The following BZW2 variants were observed in gnomAD, a reference collection of about 807,000 sequenced individuals.
The protein encoded by BZW2 is eIF5-mimic protein 1.
BZW2 carries 23 observed loss-of-function variants against 53.2 expected under a neutral mutation model. The observed-to-expected ratio is 0.43, with a 90% CI of 0.31 to 0.61. The LOEUF is 0.61. Ranked by LOEUF, BZW2 falls within the 20% of genes least tolerant of loss-of-function variation. The pLI, the probability that BZW2 is intolerant of heterozygous loss-of-function variation, is 0.09. For missense variants in BZW2, 409 were observed against 503.1 expected, an observed-to-expected ratio of 0.81 and a Z score of 1.79; for synonymous variants, 227 against 186.4, an observed-to-expected ratio of 1.22 and a Z score of -1.77.
At chr7:16,652,903 G>A (rs1033019611) in intron 1 of BZW2, among the ~76,000 whole-genome samples, 2 of 152,078 alleles carry the variant, frequency 1.3e-5, no homozygotes, top group Admixed American at 1.3e-4. Context: ...ATTCAATTTT[G>A]TATGGTCCAC....
In BZW2 at chr7:16,681,337, C is replaced by G. The variant is rs1782937790; in HGVS notation, c.272C>G (p.Thr91Ser). Residue 91 changes from threonine to serine, a missense_variant, in exon 4 of 12, where the codon ACC (threonine) becomes AGC (serine). This residue lies in a region of BZW2 where 316 missense variants were observed against 366.8 expected (regional missense o/e 0.86). Coordinates refer to ENST00000258761, the MANE Select transcript of BZW2 (RefSeq NM_014038.3). ...GGTRIDDGDK[T>S]KMTNHCVFSA... The stretch of plus-strand genomic sequence containing the variant: ...ACGCGCATAGATGATGGTGACAAGA[C>G]CAAGATGACCAACCACTGTGTGTTT... 6.2e-7 allele frequency: 1 copy of G among 1,614,036 alleles called. No homozygotes were observed. The highest frequency in any genetic ancestry group is 8.5e-7 in the Non-Finnish European group (1 of 1,179,972).
chr7:16,696,467 T>C (rs954778700), intron 8 of BZW2, among the ~76,000 whole-genome samples: 12 of 152,216 alleles, frequency 7.9e-5, no homozygotes, highest in African/African-American at 2.9e-4. Context: ...AAGTAATCAT[T>C]GAAGAATAAA....
At chr7:16,647,342 C>T (rs953341401) in intron 1 of BZW2, among the ~76,000 whole-genome samples, 3 of 152,182 alleles carry the variant, frequency 2.0e-5, no homozygotes, top group East Asian at 1.9e-4. Flanking sequence ...TTTTGTTAAG[C>T]ATCCCCAGGA....
intron 1 of BZW2, chr7:16,662,126 G>A (rs1346257486): frequency 6.6e-6 from 1 of 152,072 alleles, no homozygotes; most frequent in African/African-American, 2.4e-5. Flanking sequence ...CCTTACTGGA[G>A]CAGATTATAG....
At chr7:16,681,042 T>A (rs1416870593) in intron 3 of BZW2, among the ~76,000 whole-genome samples, 2 of 152,138 alleles carry the variant, frequency 1.3e-5, no homozygotes, top group Admixed American at 1.3e-4. Context: ...AGGTGGAGGT[T>A]GCAGTGAGCC....
chr7:16,653,052 GT>G, intron 1 of BZW2, among the ~76,000 whole-genome samples: 1 of 152,060 alleles, frequency 6.6e-6, no homozygotes, highest in Non-Finnish European at 1.5e-5. Flanking sequence ...GTGTGTGTGT[GT>G]GTGTAGCCCT....
intron 3 of BZW2, among the ~76,000 whole-genome samples, chr7:16,675,791 C>T (rs1782745331): frequency 6.6e-6 from 1 of 152,184 alleles, no homozygotes; most frequent in African/African-American, 2.4e-5. Context: ...CTGGAAATCT[C>T]TTTAGCAGCC....
At chr7:16,661,918 T>C (rs956602157) in intron 1 of BZW2, among the ~76,000 whole-genome samples, 1 of 152,142 alleles carries the variant, frequency 6.6e-6, no homozygotes, top group African/African-American at 2.4e-5. Context: ...TTTTATTTTT[T>C]TAAACTTAAG....
Position 16,699,125 on chromosome 7 carries a change from A to T in BZW2, c.1108+939A>T, listed in dbSNP as rs559608048. Among the ~76,000 whole-genome samples, 5 of 152,334 alleles carry T rather than the reference A, an allele frequency of 3.3e-5. No homozygotes were observed. The South Asian group carries it at 8.3e-4, about 25-fold the overall frequency. ...TTCCTCAAATGAATGAATCTTGTCC[A>T]CAAGTGTTTGGGTGATATTTTACTT... On this transcript the variant is annotated intron_variant, in intron 10 of 11. Transcript: ENST00000258761.
intron 5 of BZW2, 106 bp from the exon 6 acceptor site, chr7:16,685,799 T>A (rs1783097326): frequency 7.4e-7 from 1 of 1,342,686 alleles, no homozygotes; most frequent in East Asian, 2.5e-5. Flanking sequence ...CACGTAGCCA[T>A]GGATGTTCAC....
At chr7:16,705,427 T>G (rs761884223) in intron 11 of BZW2, among the ~76,000 whole-genome samples, 1 of 152,160 alleles carries the variant, frequency 6.6e-6, no homozygotes, top group Non-Finnish European at 1.5e-5. Context: ...GGCTCACGCC[T>G]GTAATCCCAG....
intron 6 of BZW2, chr7:16,686,395 T>A: frequency 4.6e-6 from 1 of 216,480 alleles, no homozygotes; most frequent in Non-Finnish European, 9.5e-6. Flanking sequence ...TCACCCCTAT[T>A]ATAAGAACAA....
chr7:16,667,711 A>T (rs1021513066), intron 2 of BZW2, among the ~76,000 whole-genome samples: 2 of 152,186 alleles, frequency 1.3e-5, no homozygotes, highest in Non-Finnish European at 2.9e-5. Flanking sequence ...TATAAAAATT[A>T]AAAAAAATTC....
intron 9 of BZW2, 124 bp downstream of exon 9, chr7:16,697,185 GCTCAAGCCACCCTCCCTC>G: frequency 8.6e-7 from 1 of 1,169,018 alleles, no homozygotes; most frequent in Non-Finnish European, 1.2e-6. Flanking sequence ...GAACTCCTGG[GCTCAAGCCACCCTCCCTC>G]CTCAGCCTCC....
Position 16,698,119 on chromosome 7 carries a change from G to A in BZW2, c.1041G>A (p.Gln347=). The change falls in exon 10 of 12, where the codon CAG becomes CAA. Residue 347 remains glutamine, a synonymous_variant. Coordinates refer to ENST00000258761, the MANE Select transcript of BZW2 (RefSeq NM_014038.3). Reference sequence around the variant, plus strand: ...AGCTGATCCTCCTCCAGAAGGTTCAGGAATACTGCTACGACAACATCCATT... The same window carrying A: ...AGCTGATCCTCCTCCAGAAGGTTCAAGAATACTGCTACGACAACATCCATT... ...QSELILLQKV[Q]EYCYDNIHFM... 1 of 1,614,202 alleles carries A rather than the reference G, an allele frequency of 6.2e-7. No homozygotes were observed. The highest frequency in any genetic ancestry group is 8.5e-7 in the Non-Finnish European group (1 of 1,180,020).
intron 1 of BZW2, among the ~76,000 whole-genome samples, chr7:16,655,833 G>A (rs1165812151): frequency 6.6e-6 from 1 of 152,000 alleles, no homozygotes; most frequent in Non-Finnish European, 1.5e-5. Flanking sequence ...AAATACATAT[G>A]GCTTCCTGTG....
chr7:16,680,470 G>C (rs1782909652), intron 3 of BZW2, among the ~76,000 whole-genome samples: 1 of 152,264 alleles, frequency 6.6e-6, no homozygotes, highest in East Asian at 1.9e-4. Context: ...ACTATGGTGG[G>C]AGTATGAATG....
At chr7:16,648,275 T>C (rs1781915884) in intron 1 of BZW2, among the ~76,000 whole-genome samples, 1 of 152,240 alleles carries the variant, frequency 6.6e-6, no homozygotes, top group Admixed American at 6.5e-5. Flanking sequence ...GTATTTAGTC[T>C]GTGCTAGATA....
intron 7 of BZW2, among the ~76,000 whole-genome samples, chr7:16,690,637 A>C (rs1462726058): frequency 6.6e-6 from 1 of 152,262 alleles, no homozygotes; most frequent in Non-Finnish European, 1.5e-5. Flanking sequence ...TGTGTTAAAT[A>C]GTTTGCTAAC....
Sources: gnomAD v4.1 joint callset for allele counts (sites outside exome capture counted in the v4.1 genomes callset) on GRCh38, gnomAD v4.1.1 for gene constraint, gnomAD v4.1.1 regional missense constraint, MANE v1.5 for transcripts, NCBI Gene and HGNC (gene_info 2026-07-23, HGNC 2026-07-21) for gene names.